The following SGCD variants were observed in gnomAD, a reference collection of about 807,000 sequenced individuals.
SGCD encodes delta-sarcoglycan.
In SGCD, 18 loss-of-function variants were observed where a neutral mutation model predicts 36.6. The ratio of observed to expected loss-of-function variants is 0.49; its 90% CI spans 0.34 to 0.73. SGCD has a LOEUF of 0.73. Ranked by LOEUF, SGCD falls within the 30% of genes least tolerant of loss-of-function variation. The pLI is 0.01. For missense variants in SGCD, 387 were observed against 346.7 expected (o/e 1.12, Z -0.92); for synonymous variants, 133 against 130.6 (o/e 1.02, Z -0.12).
intron 3 of SGCD, among the ~76,000 whole-genome samples, chr5:156,409,029 T>C (rs531039217): frequency 6.6e-6 from 1 of 152,258 alleles, no homozygotes; most frequent in South Asian, 2.1e-4. Context: ...AACAGTAACA[T>C]AATAAAAAAT....
Position 155,974,664 on chromosome 5 carries a change from T to C in SGCD, c.-282+104240T>C, listed in dbSNP as rs150629473. On this transcript the variant is annotated intron_variant, in intron 1 of 9. Transcript: ENST00000517913. ...ACATCATAGGTGGGGACTTTCCTGC[T>C]GGACATAGGCTGGAACATCAGGTAT... is the stretch of plus-strand genomic sequence containing the variant. Among the ~76,000 whole-genome samples the C allele has an allele frequency of 1.7e-3, 251 of 152,098 alleles. 1 individual carries two copies. The highest frequency in any genetic ancestry group is 2.8e-3 in the Non-Finnish European group (193 of 67,966).
At position 156,009,985 on chromosome 5, in the gene SGCD, C is replaced by G. The variant is rs6886732; in HGVS notation, c.-281-107893C>G. Among the ~76,000 whole-genome samples, 843 of 152,320 alleles carry G rather than the reference C, an allele frequency of 5.5e-3. 6 individuals carry two copies. Among genetic ancestry groups the G allele is most frequent in the African/African-American group, 0.019 (808 of 41,562 alleles). On this transcript the variant is annotated intron_variant, in intron 1 of 9. Transcript: ENST00000517913. ...CTCAAACACGTTTTGGCAAATTTTT[C>G]TCTTTAATGATCTTGCTTTGCTCAA...
intron 1 of SGCD, among the ~76,000 whole-genome samples, chr5:156,096,127 C>T (rs1449908854): frequency 2.0e-5 from 3 of 152,182 alleles, no homozygotes; most frequent in Non-Finnish European, 2.9e-5. Context: ...AGAGCCCCAG[C>T]TATGAGGTCA....
chr5:156,203,131 A>G (rs1280815994), intron 3 of SGCD, among the ~76,000 whole-genome samples: 7 of 152,128 alleles, frequency 4.6e-5, no homozygotes, highest in African/African-American at 1.7e-4. Flanking sequence ...TGGGGAAACT[A>G]TACTCTATAA....
At chr5:156,054,218 A>G (rs545016752) in intron 1 of SGCD, among the ~76,000 whole-genome samples, 5 of 145,338 alleles carry the variant, frequency 3.4e-5, no homozygotes, top group Non-Finnish European at 1.5e-5. Flanking sequence ...TTGCAAAGCT[A>G]AAGTGCAACA....
chr5:156,709,978 G>T (rs969291913), intron 7 of SGCD, among the ~76,000 whole-genome samples: 1 of 152,024 alleles, frequency 6.6e-6, no homozygotes, highest in Admixed American at 6.6e-5. Flanking sequence ...GAAAAGCACC[G>T]AGAAAGAGAC....
intron 3 of SGCD, among the ~76,000 whole-genome samples, chr5:156,204,901 T>C (rs1764237711): frequency 6.6e-6 from 1 of 152,034 alleles, no homozygotes; most frequent in African/African-American, 2.4e-5. Context: ...ATGAGTAATG[T>C]AGGAATACAG....
intron 3 of SGCD, among the ~76,000 whole-genome samples, chr5:156,263,061 G>A (rs542447794): frequency 3.9e-5 from 6 of 152,070 alleles, no homozygotes; most frequent in Admixed American, 6.6e-5. Flanking sequence ...ATAAACATGG[G>A]TGTGCAAGTA....
the SGCD span, among the ~76,000 whole-genome samples, chr5:155,781,772 A>G: frequency 6.6e-6 from 1 of 152,074 alleles, no homozygotes; most frequent in African/African-American, 2.4e-5. Context: ...TGCCTGGCCC[A>G]TTTTCAATTA....
Position 156,032,706 on chromosome 5 carries a change from C to CAAAAAAAAAAAAA in SGCD, c.-281-85154_-281-85142dup, listed in dbSNP as rs1171072619. 8.9e-3 allele frequency among the ~76,000 whole-genome samples: 134 copies of CAAAAAAAAAAAAA among 15,066 alleles called. 38 individuals are homozygous for CAAAAAAAAAAAAA. Among genetic ancestry groups the CAAAAAAAAAAAAA allele is most frequent in the African/African-American group, 0.019 (126 of 6,704 alleles). The allele number at this position is 15,066 out of a possible 152,430, so 9.9% of individuals were successfully genotyped here. A position where few individuals can be genotyped will look rare whatever the true frequency, so the allele number is the denominator to read the frequency against. On this transcript the variant is annotated intron_variant, in intron 1 of 9. Transcript: ENST00000517913. ...TGGGCGACAGAGCAAGACTCCGTCT[C>CAAAAAAAAAAAAA]AAAAAAAAAAAAAAAAAAAAAAAAA... is the stretch of plus-strand genomic sequence containing the variant.
At chr5:156,227,972 A>G (rs935332563) in intron 3 of SGCD, among the ~76,000 whole-genome samples, 16 of 151,966 alleles carry the variant, frequency 1.1e-4, no homozygotes, top group African/African-American at 3.9e-4. Flanking sequence ...TTTGGAGATA[A>G]TTTTCAGTTT....
chr5:156,391,038 C>G (rs1216083198), intron 3 of SGCD, among the ~76,000 whole-genome samples: 1 of 152,218 alleles, frequency 6.6e-6, no homozygotes, highest in Non-Finnish European at 1.5e-5. Flanking sequence ...TCACTCACCA[C>G]TCACTCGCTG....
Position 156,343,222 on chromosome 5 carries a change from T to G in SGCD, c.4-1267T>G, listed in dbSNP as rs1362127493. 2.0e-5 allele frequency among the ~76,000 whole-genome samples: 3 copies of G among 152,248 alleles called. No individual in the cohort carries two copies. In the South Asian group the frequency reaches 6.2e-4, roughly 31 times the overall value. ...TTATGGCCACTTTGGCACCACATAT[T>G]ACTAATTTATTGCTATTGGCTGAGA... On this transcript the variant is annotated intron_variant, in intron 2 of 8. Coordinates refer to ENST00000337851, the MANE Select transcript of SGCD (RefSeq NM_000337.6).
chr5:156,248,578 A>G (rs1765495856), intron 3 of SGCD, among the ~76,000 whole-genome samples: 2 of 152,062 alleles, frequency 1.3e-5, no homozygotes, highest in Non-Finnish European at 2.9e-5. Flanking sequence ...AGAAAAATGC[A>G]AGGGGAACCT....
chr5:156,244,639 T>A (rs1230100135), intron 3 of SGCD, among the ~76,000 whole-genome samples: 1 of 152,214 alleles, frequency 6.6e-6, no homozygotes. Flanking sequence ...ATTGTCTCAT[T>A]TTTTAATAAA....
intron 3 of SGCD, among the ~76,000 whole-genome samples, chr5:156,502,238 G>A (rs2127864717): frequency 6.6e-6 from 1 of 152,030 alleles, no homozygotes; most frequent in East Asian, 2.0e-4. Context: ...AGTAGAGACA[G>A]GGTTTCACCA....
At chr5:156,505,056 G>A (rs1012635450) in intron 3 of SGCD, among the ~76,000 whole-genome samples, 2 of 152,216 alleles carry the variant, frequency 1.3e-5, no homozygotes, top group African/African-American at 4.8e-5. Flanking sequence ...ATGTGTTTCT[G>A]TGAAAAGGTT....
At chr5:155,797,245 G>C in the SGCD span, among the ~76,000 whole-genome samples, 1 of 152,112 alleles carries the variant, frequency 6.6e-6, no homozygotes, top group Non-Finnish European at 1.5e-5. Flanking sequence ...TTTCACCAAT[G>C]ATATTTTTCA....
chr5:156,596,372 G>A lies in SGCD; in HGVS notation c.502+1321G>A, dbSNP rs572518240. ...GTATCTAATCTCTCTGTGCCTGCTT[G>A]CTTACCTGTTTATAAAATTGGTATA... On this transcript the variant is annotated intron_variant, in intron 6 of 8. Transcript: ENST00000337851. 1.4e-4 allele frequency among the ~76,000 whole-genome samples: 21 copies of A among 152,104 alleles called. No individual in the cohort carries two copies. In the South Asian group the frequency reaches 4.4e-3, roughly 32 times the overall value.
Sources: gnomAD v4.1 joint callset for allele counts (sites outside exome capture counted in the v4.1 genomes callset) on GRCh38, gnomAD v4.1.1 for gene constraint, MANE v1.5 for transcripts, NCBI Gene and HGNC (gene_info 2026-07-23, HGNC 2026-07-21) for gene names.